Variants in TRAK1 observed in about 807,000 individuals in gnomAD.
TRAK1 encodes trafficking kinesin-binding protein 1.
TRAK1 carries 33 observed loss-of-function variants against 92.1 expected under a neutral mutation model. The ratio of observed to expected loss-of-function variants is 0.36; its 90% CI spans 0.27 to 0.48. TRAK1 has a LOEUF of 0.48. Ranked by LOEUF, TRAK1 falls within the 20% of genes least tolerant of loss-of-function variation. TRAK1 has a pLI of 0.99. For missense variants in TRAK1, 1,123 were observed against 1,257.9 expected (o/e 0.89, Z 1.62); for synonymous variants, 521 against 517.3 (o/e 1.01, Z -0.10).
intron 2 of TRAK1, chr3:42,160,542 C>G: frequency 6.9e-7 from 1 of 1,455,164 alleles, no homozygotes; most frequent in Non-Finnish European, 9.4e-7. Context: ...GAATGTTTTG[C>G]TGATTTCATA....
chr3:42,211,423 T>C (rs1309080405), intron 14 of TRAK1: 94 of 985,292 alleles, frequency 9.5e-5, no homozygotes, highest in Non-Finnish European at 1.1e-4. Context: ...ATGAAAATGT[T>C]TTTTATTTGT....
intron 1 of TRAK1, among the ~76,000 whole-genome samples, chr3:42,118,828 A>T (rs1198516495): frequency 1.3e-5 from 2 of 152,226 alleles, no homozygotes; most frequent in Non-Finnish European, 2.9e-5. Flanking sequence ...TAAGAATGGT[A>T]GGTATTGGAT....
Position 42,224,595 on chromosome 3 carries a change from A to C in TRAK1, c.*858A>C, listed in dbSNP as rs1391980650. ...TTTCGAACACACCAAGCCGCTAATG[A>C]GATAGCAGCTTTTTTCTGGGACCCA... On this transcript the variant is annotated 3_prime_UTR_variant, in exon 16 of 16. Coordinates refer to ENST00000327628, the MANE Select transcript of TRAK1 (RefSeq NM_001042646.3). The C allele has an allele frequency of 6.6e-6, 1 of 152,382 alleles. No individual in the cohort carries two copies. Among genetic ancestry groups the C allele is most frequent in the African/African-American group, 2.4e-5 (1 of 41,454 alleles). The allele number at this position is 152,382 out of a possible 1,614,324, so 9.4% of individuals were successfully genotyped here. A position where few individuals can be genotyped will look rare whatever the true frequency, so the allele number is the denominator to read the frequency against.
chr3:42,042,831 C>A (rs1409085712), intron 1 of TRAK1, among the ~76,000 whole-genome samples: 1 of 152,124 alleles, frequency 6.6e-6, no homozygotes, highest in East Asian at 1.9e-4. Context: ...CTCTTCCTCT[C>A]TCTGGGGCGG....
chr3:42,178,496 C>G (rs1424490879), intron 3 of TRAK1, among the ~76,000 whole-genome samples: 6 of 152,136 alleles, frequency 3.9e-5, no homozygotes, highest in Admixed American at 3.9e-4. Flanking sequence ...CTGCCGGGGA[C>G]CTTTGAAGAT....
chr3:42,054,634 C>T (rs1703121242), intron 1 of TRAK1, among the ~76,000 whole-genome samples: 1 of 152,138 alleles, frequency 6.6e-6, no homozygotes, highest in Non-Finnish European at 1.5e-5. Context: ...TCCTCTTTTA[C>T]CACCATCGTA....
chr3:42,194,875 C>T lies in TRAK1; in HGVS notation c.1047C>T (p.Asn349=). Residue 349 remains asparagine (N), a synonymous_variant, in exon 10 of 16, where the codon AAC becomes AAT. Transcript: ENST00000327628. The part of the protein sequence containing the change: ...MLHEAQEELK[N]LRNKTMPNTT... ...ATGAGGCGCAGGAGGAGCTGAAGAA[C>T]CTCCGGAACAAAACCATGCCCAATA... The T allele has an allele frequency of 6.2e-7, 1 of 1,613,966 alleles. No homozygotes were observed. Among genetic ancestry groups the T allele is most frequent in the Non-Finnish European group, 8.5e-7 (1 of 1,179,958 alleles).
chr3:42,197,002 TCA>T (rs773977076), intron 10 of TRAK1, among the ~76,000 whole-genome samples: 7,420 of 103,262 alleles, frequency 0.072, 231 homozygotes, highest in Non-Finnish European at 0.11. Context: ...TCTCTCTCTC[TCA>T]CACACACACA....
intron 1 of TRAK1, among the ~76,000 whole-genome samples, chr3:42,074,669 C>T (rs1336260143): frequency 6.7e-6 from 1 of 150,274 alleles, no homozygotes; most frequent in Non-Finnish European, 1.5e-5. Flanking sequence ...GGGTGAGTCT[C>T]AGACTAGTTT....
intron 2 of TRAK1, among the ~76,000 whole-genome samples, chr3:42,138,470 TTATC>T (rs1698230487): frequency 6.6e-6 from 1 of 152,198 alleles, no homozygotes; most frequent in Non-Finnish European, 1.5e-5. Context: ...TTCTCCTTCC[TTATC>T]TTTTTCCATA....
chr3:42,179,906 T>C (rs1703757449), intron 3 of TRAK1, among the ~76,000 whole-genome samples: 1 of 152,156 alleles, frequency 6.6e-6, no homozygotes, highest in African/African-American at 2.4e-5. Flanking sequence ...TTTTATCCTT[T>C]TTTTTTGGTA....
intron 1 of TRAK1, among the ~76,000 whole-genome samples, chr3:42,105,800 A>G (rs572241419): frequency 4.8e-4 from 73 of 152,374 alleles, no homozygotes; most frequent in African/African-American, 1.7e-3. Flanking sequence ...AGGGAAGCCC[A>G]TTAGACTAAC....
At chr3:42,090,119 C>A (rs1335052741), upstream of TRAK1, among the ~76,000 whole-genome samples, 2 of 152,058 alleles carry the variant, frequency 1.3e-5, no homozygotes, top group South Asian at 2.1e-4. Context: ...TGGCTGTACA[C>A]CGAGGTTAGC....
At position 42,185,051 on chromosome 3, in the gene TRAK1, C is replaced by T. The variant is rs191356965; in HGVS notation, c.480+250C>T. The T allele has an allele frequency of 4.8e-4, 222 of 465,846 alleles. 1 individual carries two copies. In the Middle Eastern group the frequency reaches 5.9e-3, roughly 12 times the overall value. The allele number at this position is 465,846 out of a possible 1,614,324, so 28.9% of individuals were successfully genotyped here. ...GCCATGTGGATGGGATGGCTAAGGG[C>T]GGGCATGGTCCTCACTCAGTCGTAC... On this transcript the variant is annotated intron_variant, in intron 4 of 15. Transcript: ENST00000327628.
chr3:42,134,437 C>T (rs1480103568), intron 2 of TRAK1, among the ~76,000 whole-genome samples: 1 of 150,936 alleles, frequency 6.6e-6, no homozygotes, highest in Non-Finnish European at 1.5e-5. Flanking sequence ...GCCACCATGC[C>T]CAGCTAGTTT....
chr3:42,070,837 G>A (rs781757248), intron 1 of TRAK1, among the ~76,000 whole-genome samples: 2 of 152,198 alleles, frequency 1.3e-5, no homozygotes, highest in African/African-American at 2.4e-5. Context: ...TCTGTAAGTG[G>A]TGAAATAAGA....
At chr3:42,153,417 G>A (rs1700176482) in intron 2 of TRAK1, among the ~76,000 whole-genome samples, 1 of 151,948 alleles carries the variant, frequency 6.6e-6, no homozygotes, top group Admixed American at 6.6e-5. Flanking sequence ...AAAAAAAAAG[G>A]AATGGTATTT....
intron 1 of TRAK1, among the ~76,000 whole-genome samples, chr3:42,025,618 A>G (rs1701884252): frequency 6.9e-6 from 1 of 144,742 alleles, no homozygotes; most frequent in South Asian, 2.3e-4. Flanking sequence ...GCTCAAGAAA[A>G]TGAGAAGGGG....
intron 2 of TRAK1, among the ~76,000 whole-genome samples, chr3:42,132,981 C>A (rs560136106): frequency 6.6e-6 from 1 of 152,352 alleles, no homozygotes; most frequent in East Asian, 1.9e-4. Flanking sequence ...CCTGTTAATT[C>A]TTCCTCCAGA....
Sources: gnomAD v4.1 joint callset for allele counts (sites outside exome capture counted in the v4.1 genomes callset) on GRCh38, gnomAD v4.1.1 for gene constraint, MANE v1.5 for transcripts, NCBI Gene and HGNC (gene_info 2026-07-23, HGNC 2026-07-21) for gene names.